SUSD4: variants seen among roughly 807,000 people sequenced by gnomAD.
SUSD4 encodes sushi domain containing 4, also known as sushi domain-containing protein 4.
A neutral mutation model predicts 50.5 loss-of-function variants in SUSD4; 41 were observed. The observed-to-expected ratio is 0.81, with a 90% CI of 0.63 to 1.05. The LOEUF (loss-of-function observed/expected upper bound fraction) is 1.05, where lower values mean the gene tolerates loss of function less well. SUSD4 is among the 50% of genes least tolerant of loss of function. The probability of loss-of-function intolerance (pLI) is 0.00; values close to 1 mark genes in which losing one functional copy is unlikely to be tolerated. For synonymous variants in SUSD4, 257 were observed against 257.3 expected, an observed-to-expected ratio of 1.00 and a Z score of 0.01; for missense variants, 580 against 634.7, an observed-to-expected ratio of 0.91 and a Z score of 0.93.
At chr1:223,248,601 A>C (rs1180480004) in intron 5 of SUSD4, among the ~76,000 whole-genome samples, 2 of 152,228 alleles carry the variant, frequency 1.3e-5, no homozygotes, top group East Asian at 3.9e-4. Context: ...GTAACAACAC[A>C]GAAGGCCAAC....
chr1:223,266,332 G>A (rs1334568257), intron 4 of SUSD4, among the ~76,000 whole-genome samples: 1 of 152,186 alleles, frequency 6.6e-6, no homozygotes, highest in Non-Finnish European at 1.5e-5. Flanking sequence ...TTATGTGGTG[G>A]GGAGGAGGTT....
intron 2 of SUSD4, among the ~76,000 whole-genome samples, chr1:223,337,088 G>A (rs889059450): frequency 4.6e-5 from 7 of 152,240 alleles, no homozygotes; most frequent in African/African-American, 1.7e-4. Flanking sequence ...TCTCTCACAG[G>A]CACCGTAATT....
chr1:223,337,139 C>T (rs536939383), intron 2 of SUSD4, among the ~76,000 whole-genome samples: 6 of 152,342 alleles, frequency 3.9e-5, no homozygotes, highest in Admixed American at 3.3e-4. Flanking sequence ...AAATGAATGA[C>T]ATTTTGTAGA....
chr1:223,329,838 T>C (rs1015001008), intron 2 of SUSD4, among the ~76,000 whole-genome samples: 10 of 150,960 alleles, frequency 6.6e-5, no homozygotes, highest in Non-Finnish European at 1.2e-4. Flanking sequence ...GGATGGATGA[T>C]TGGATGAATG....
At chr1:223,224,830 C>T (rs1659392692) in intron 7 of SUSD4, among the ~76,000 whole-genome samples, 1 of 147,436 alleles carries the variant, frequency 6.8e-6, no homozygotes, top group African/African-American at 2.5e-5. Flanking sequence ...CCCAGGGTGG[C>T]TAATAAGTAG....
intron 2 of SUSD4, among the ~76,000 whole-genome samples, chr1:223,350,451 A>G (rs1668295428): frequency 6.6e-6 from 1 of 152,180 alleles, no homozygotes; most frequent in African/African-American, 2.4e-5. Context: ...GAAAAACTCA[A>G]TACTCCAGGT....
intron 5 of SUSD4, among the ~76,000 whole-genome samples, chr1:223,259,378 CT>C (rs919821167): frequency 2.6e-5 from 4 of 152,154 alleles, no homozygotes; most frequent in Admixed American, 2.6e-4. Flanking sequence ...TAATTTAGCA[CT>C]TAGGGCAACA....
At chr1:223,347,946 A>C (rs1257530878) in intron 2 of SUSD4, among the ~76,000 whole-genome samples, 1 of 152,076 alleles carries the variant, frequency 6.6e-6, no homozygotes, top group Non-Finnish European at 1.5e-5. Flanking sequence ...TTGTGAAACC[A>C]GCACCTCACT....
At position 223,227,344 on chromosome 1, in the gene SUSD4, G is replaced by C. The variant is rs1659585008; in HGVS notation, c.1061+250C>G. On this transcript the variant is annotated intron_variant, in intron 7 of 8. Coordinates refer to ENST00000366878, the MANE Select transcript of SUSD4 (RefSeq NM_017982.4). The surrounding 1 kb of genome is among the most constrained non-coding windows in gnomAD (Gnocchi z 4.5). ...GTAGCCCTAACTCTGTGATCCCATC[G>C]CTAGCCCCCCATGATGCCCACCTGC... Among the ~76,000 whole-genome samples, 1 of 152,114 alleles carries C rather than the reference G, an allele frequency of 6.6e-6. No individual in the cohort carries two copies. The highest frequency in any genetic ancestry group is 6.5e-5 in the Admixed American group (1 of 15,272).
chr1:223,308,272 G>A (rs1429473472), intron 2 of SUSD4, among the ~76,000 whole-genome samples: 1 of 152,126 alleles, frequency 6.6e-6, no homozygotes, highest in Non-Finnish European at 1.5e-5. Flanking sequence ...CCTTGGTGCT[G>A]TTCTTGTGAT....
At chr1:223,310,697 C>T (rs926733797) in intron 2 of SUSD4, among the ~76,000 whole-genome samples, 2 of 152,128 alleles carry the variant, frequency 1.3e-5, no homozygotes, top group African/African-American at 4.8e-5. Flanking sequence ...TCTGTTTCTT[C>T]CAATTTTCTA....
chr1:223,364,346 G>A (rs1669192301), upstream of SUSD4: 2 of 146,720 alleles, frequency 1.4e-5, no homozygotes, highest in Non-Finnish European at 3.0e-5. This position sits in a 1 kb window ranked among gnomAD's most constrained non-coding sequence, Gnocchi z 4.5. Context: ...GCGGAGAGAG[G>A]GAGTGGGTGG....
chr1:223,295,057 G>A (rs1487432564), intron 2 of SUSD4, among the ~76,000 whole-genome samples: 6 of 152,036 alleles, frequency 3.9e-5, no homozygotes, highest in East Asian at 1.9e-4. Context: ...ATATATTCAC[G>A]ATGGTACTGA....
rs71572850 is a variant in SUSD4 at position 223,291,488 on chromosome 1, C to CAAAAAAAA, written c.361+943_361+950dup. On this transcript the variant is annotated intron_variant, in intron 3 of 8. Coordinates refer to ENST00000366878, the MANE Select transcript of SUSD4 (RefSeq NM_017982.4). ...TGGATGACAGAGGGAGACACTGTCT[C>CAAAAAAAA]AAAAAAAAAAAAAAAAAAAAAAGCT... Among the ~76,000 whole-genome samples the CAAAAAAAA allele has an allele frequency of 1.0e-3, 51 of 49,534 alleles. 7 individuals carry two copies. The highest frequency in any genetic ancestry group is 4.4e-3 in the African/African-American group (48 of 10,976). 32.5% of individuals were successfully genotyped at this position (49,534 alleles called of 152,430 possible).
At chr1:223,282,390 G>T (rs899921241) in intron 3 of SUSD4, among the ~76,000 whole-genome samples, 9 of 152,174 alleles carry the variant, frequency 5.9e-5, no homozygotes, top group African/African-American at 2.2e-4. Context: ...CTTCAGCAAA[G>T]TCTCAGGATA....
chr1:223,276,489 C>G (rs1205048531), intron 3 of SUSD4, among the ~76,000 whole-genome samples: 1 of 152,234 alleles, frequency 6.6e-6, no homozygotes, highest in African/African-American at 2.4e-5. Flanking sequence ...GGTGGTCCAC[C>G]TGTCATCTTG....
intron 3 of SUSD4, among the ~76,000 whole-genome samples, chr1:223,270,352 A>G (rs1225518458): frequency 6.6e-6 from 1 of 152,070 alleles, no homozygotes. Flanking sequence ...TGCCGAAAGG[A>G]GTTCTGTGAA....
At chr1:223,271,030 T>C (rs1430903996) in intron 3 of SUSD4, among the ~76,000 whole-genome samples, 1 of 151,772 alleles carries the variant, frequency 6.6e-6, no homozygotes, top group South Asian at 2.1e-4. Flanking sequence ...AATTACGTTT[T>C]TTCAATCGCA....
chr1:223,231,061 G>A lies in SUSD4; in HGVS notation c.725-1673C>T, dbSNP rs984062301. On this transcript the variant is annotated intron_variant, in intron 5 of 8. Coordinates refer to ENST00000366878, the MANE Select transcript of SUSD4 (RefSeq NM_017982.4). The surrounding 1 kb of genome is among the most constrained non-coding windows in gnomAD (Gnocchi z 4.2). Reference sequence around the variant, plus strand: ...AGGAAGCCACTACCGCTCCTGGGCTGGTGGGATGAAGGGGTCTCGTTGCTG... The same window carrying A: ...AGGAAGCCACTACCGCTCCTGGGCTAGTGGGATGAAGGGGTCTCGTTGCTG... Among the ~76,000 whole-genome samples the A allele has an allele frequency of 3.3e-5, 5 of 152,170 alleles. No homozygotes were observed. The highest frequency in any genetic ancestry group is 2.6e-4 in the Admixed American group (4 of 15,286).
Sources: gnomAD v4.1 joint callset for allele counts (sites outside exome capture counted in the v4.1 genomes callset) on GRCh38, gnomAD v4.1.1 for gene constraint, Gnocchi (gnomAD v3.1) non-coding constraint, MANE v1.5 for transcripts, NCBI Gene and HGNC (gene_info 2026-07-23, HGNC 2026-07-21) for gene names.